ZNF891: variants seen among roughly 807,000 people sequenced by gnomAD.
ZNF891 encodes the protein zinc finger protein 891.
For synonymous variants in ZNF891, 199 were observed against 209.0 expected (o/e 0.95, Z 0.41); for missense variants, 589 against 632.7 (o/e 0.93, Z 0.74).
In ZNF891 at chr12:133,105,302, C is replaced by T. The variant is rs908762612; in HGVS notation, c.*14982G>A. On this transcript the variant is annotated 3_prime_UTR_variant, in exon 2 of 2. Coordinates refer to ENST00000537226, the MANE Select transcript of ZNF891 (RefSeq NM_001277291.2). Reference sequence around the variant, plus strand: ...CTGCTCTTTCAATTACTTACGTTTACACTTTCTCTTTATTTACCTATATGT... The same window carrying T: ...CTGCTCTTTCAATTACTTACGTTTATACTTTCTCTTTATTTACCTATATGT... 5.3e-5 allele frequency among the ~76,000 whole-genome samples: 8 copies of T among 152,330 alleles called. No homozygotes were observed. The highest frequency in any genetic ancestry group is 5.2e-4 in the Admixed American group (8 of 15,302).
At chr12:133,124,786 T>C (rs1955798946) in intron 1 of ZNF891, among the ~76,000 whole-genome samples, 1 of 147,148 alleles carries the variant, frequency 6.8e-6, no homozygotes, top group Non-Finnish European at 1.5e-5. Flanking sequence ...ACGATTGAAT[T>C]CTAGGTTGTT....
intron 1 of ZNF891, among the ~76,000 whole-genome samples, chr12:133,129,486 G>A (rs1339161272): frequency 1.5e-5 from 2 of 136,796 alleles, no homozygotes; most frequent in Admixed American, 7.5e-5. Context: ...GGGCAACAAA[G>A]AGCGAAACTC....
chr12:133,111,165 C>T lies in ZNF891; in HGVS notation c.*9119G>A, dbSNP rs1230317885. 6.6e-6 allele frequency: 1 copy of T among 151,194 alleles called. No homozygotes were observed. Among genetic ancestry groups the T allele is most frequent in the Non-Finnish European group, 1.5e-5 (1 of 67,846 alleles). 9.4% of individuals were successfully genotyped at this position (151,194 alleles called of 1,614,324 possible). On this transcript the variant is annotated 3_prime_UTR_variant, in exon 2 of 2. Coordinates refer to ENST00000537226, the MANE Select transcript of ZNF891 (RefSeq NM_001277291.2). ...AAAAGGCAGGACATAGAAAAAGTGGCAAAAAGTGTAAAAAATTATCTGGTA... is the reference window on the plus strand; with the variant it reads ...AAAAGGCAGGACATAGAAAAAGTGGTAAAAAGTGTAAAAAATTATCTGGTA...
In ZNF891 at chr12:133,120,782, A is replaced by G. The variant is rs1041712007; in HGVS notation, c.1137T>C (p.Asn379=). 3.2e-6 allele frequency: 5 copies of G among 1,565,690 alleles called. No homozygotes were observed. In the African/African-American group the frequency reaches 4.2e-5, roughly 13 times the overall value. Residue 379 remains asparagine (N), a synonymous_variant, in exon 2 of 2, where the codon AAT becomes AAC. Transcript: ENST00000537226. The stretch of plus-strand genomic sequence containing the variant: ...TTTGACTGAAAGCTTTTCCACATTG[A>G]TTACATTCATAGGGTTTCTCTCCAG... ...THTGEKPYEC[N]QCGKAFSQKT... is the part of the protein sequence containing the mutation.
Position 133,105,363 on chromosome 12 carries a change from T to A in ZNF891, c.*14921A>T. On this transcript the variant is annotated 3_prime_UTR_variant, in exon 2 of 2. Transcript: ENST00000537226. The stretch of plus-strand genomic sequence containing the variant: ...TTGATCTTTTCTGAAGTTCTGGGCA[T>A]ACTACTCAGATTTCAGTCACAGCTG... The A allele has an allele frequency of 1.3e-6, 1 of 746,118 alleles. No individual in the cohort carries two copies. The highest frequency in any genetic ancestry group is 2.1e-6 in the Non-Finnish European group (1 of 470,958). 46.2% of individuals were successfully genotyped at this position (746,118 alleles called of 1,614,324 possible).
rs1056838 is a variant in ZNF891 at position 133,108,759 on chromosome 12, A to T, written c.*11525T>A. ...ACACAGTGATTTGGGAATGCCTTCA[A>T]TTACAATGCAATACTTAAATTTTAA... On this transcript the variant is annotated 3_prime_UTR_variant, in exon 2 of 2. Coordinates refer to ENST00000537226, the MANE Select transcript of ZNF891 (RefSeq NM_001277291.2). The T allele has an allele frequency of 5.3e-5, 8 of 152,230 alleles. No individual in the cohort carries two copies. Among genetic ancestry groups the T allele is most frequent in the Non-Finnish European group, 7.3e-5 (5 of 68,048 alleles). 9.4% of individuals were successfully genotyped at this position (152,230 alleles called of 1,614,324 possible).
chr12:133,124,549 A>G (rs749207029), intron 1 of ZNF891, among the ~76,000 whole-genome samples: 5 of 151,930 alleles, frequency 3.3e-5, no homozygotes, highest in Admixed American at 6.6e-5. Context: ...TATCAAGAAT[A>G]ATGTGTAAAA....
rs1566324445 is a variant in ZNF891, at chr12:133,105,700, AGTCTCT to A, written c.*14578_*14583del. ...ATCAGGGATGTATTAGGAAAGTAAC[AGTCTCT>A]CATCAAGAAGCCCTGGCTCAACATA... On this transcript the variant is annotated 3_prime_UTR_variant, in exon 2 of 2. Transcript: ENST00000537226. 1 of 1,614,220 alleles carries A rather than the reference AGTCTCT, an allele frequency of 6.2e-7. No individual in the cohort carries two copies. Among genetic ancestry groups the A allele is most frequent in the East Asian group, 2.2e-5 (1 of 44,882 alleles).
At chr12:133,127,249 G>A (rs1024347811) in intron 1 of ZNF891, among the ~76,000 whole-genome samples, 7 of 152,110 alleles carry the variant, frequency 4.6e-5, no homozygotes, top group Non-Finnish European at 8.8e-5. Flanking sequence ...ACAGGCGTGA[G>A]CCACGGTGCC....
At position 133,119,594 on chromosome 12, in the gene ZNF891, CA is replaced by C. The variant is rs1469491512; in HGVS notation, c.*689del. The C allele has an allele frequency of 1.3e-5, 2 of 152,180 alleles. No individual in the cohort carries two copies. Among genetic ancestry groups the C allele is most frequent in the Non-Finnish European group, 2.9e-5 (2 of 68,034 alleles). 9.4% of individuals were successfully genotyped at this position (152,180 alleles called of 1,614,324 possible). A position where few individuals can be genotyped will look rare whatever the true frequency, so the allele number is the denominator to read the frequency against. ...TCTCATGTAGGAACATATCCAGATACAAGTAGTGCAGGGCTGGTACAACTAT... is the reference window on the plus strand; with the variant it reads ...TCTCATGTAGGAACATATCCAGATACAGTAGTGCAGGGCTGGTACAACTAT... On this transcript the variant is annotated 3_prime_UTR_variant, in exon 2 of 2. Transcript: ENST00000537226.
rs1955721950 is a variant in ZNF891, at chr12:133,117,515, G to A, written c.*2769C>T. On this transcript the variant is annotated 3_prime_UTR_variant, in exon 2 of 2. Transcript: ENST00000537226. ...TTTTTCTACTCCTGAAAGAATGGTGGGAGTATCCCTCCGCCTCATGGCAAA... is the reference window on the plus strand; with the variant it reads ...TTTTTCTACTCCTGAAAGAATGGTGAGAGTATCCCTCCGCCTCATGGCAAA... 6.6e-6 allele frequency: 1 copy of A among 152,114 alleles called. No individual in the cohort carries two copies. The highest frequency in any genetic ancestry group is 1.5e-5 in the Non-Finnish European group (1 of 68,028). The allele number at this position is 152,114 out of a possible 1,614,324, so 9.4% of individuals were successfully genotyped here.
rs751165488 is a variant in ZNF891 at position 133,121,581 on chromosome 12, G to C, written c.338C>G (p.Pro113Arg). 2 of 1,536,552 alleles carry C rather than the reference G, an allele frequency of 1.3e-6. No individual in the cohort carries two copies. Among genetic ancestry groups the C allele is most frequent in the Non-Finnish European group, 1.7e-6 (2 of 1,147,002 alleles). The change falls in exon 2 of 2, where the codon CCA (proline) becomes CGA (arginine). Residue 113 changes from proline (P) to arginine (R), a missense_variant. By Grantham distance (103) the Pro-to-Arg change is moderately radical. Coordinates refer to ENST00000537226, the MANE Select transcript of ZNF891 (RefSeq NM_001277291.2). ...MKKRIPQAIC[P>R]DQKIQPKTKE... ...GGTTTTAGGTTGAATCTTCTGGTCT[G>C]GACAGATGGCTTGGGGAATTCTCTT...
In ZNF891 at chr12:133,117,724, C is replaced by T. The variant is rs1474923491; in HGVS notation, c.*2560G>A. The stretch of plus-strand genomic sequence containing the variant: ...TACTCCAAATCTCTCCAGCTACTAC[C>T]CTTTCTCCTATTATTCAAACTTGTC... On this transcript the variant is annotated 3_prime_UTR_variant, in exon 2 of 2. Transcript: ENST00000537226. 6.6e-6 allele frequency: 1 copy of T among 152,162 alleles called. No homozygotes were observed. The highest frequency in any genetic ancestry group is 1.5e-5 in the Non-Finnish European group (1 of 68,028). The allele number at this position is 152,162 out of a possible 1,614,324, so 9.4% of individuals were successfully genotyped here.
Position 133,120,074 on chromosome 12 carries a change from C to G in ZNF891, c.*210G>C, listed in dbSNP as rs2137617578. 2.3e-6 allele frequency: 1 copy of G among 434,086 alleles called. No individual in the cohort carries two copies. The highest frequency in any genetic ancestry group is 5.5e-5 in the South Asian group (1 of 18,092). 26.9% of individuals were successfully genotyped at this position (434,086 alleles called of 1,614,324 possible). A position where few individuals can be genotyped will look rare whatever the true frequency, so the allele number is the denominator to read the frequency against. On this transcript the variant is annotated 3_prime_UTR_variant, in exon 2 of 2. Transcript: ENST00000537226. ...CTAGAAACCAACAATAAAAAGATAA[C>G]TGAAAATATACCTACCTCACATATT...
At position 133,110,477 on chromosome 12, in the gene ZNF891, G is replaced by C. The variant is rs1259686798; in HGVS notation, c.*9807C>G. ...AATGCAGAAAGGCGACAGAACAACA[G>C]ATGCAATCAATATTAGTAAAGAATA... is the stretch of plus-strand genomic sequence containing the variant. On this transcript the variant is annotated 3_prime_UTR_variant, in exon 2 of 2. Coordinates refer to ENST00000537226, the MANE Select transcript of ZNF891 (RefSeq NM_001277291.2). The C allele has an allele frequency of 3.3e-5, 5 of 152,208 alleles. No homozygotes were observed. Among genetic ancestry groups the C allele is most frequent in the Admixed American group, 2.6e-4 (4 of 15,274 alleles). 9.4% of individuals were successfully genotyped at this position (152,208 alleles called of 1,614,324 possible).
In ZNF891 at chr12:133,105,434, T is replaced by C; in HGVS notation, c.*14850A>G. 2.1e-6 allele frequency: 3 copies of C among 1,417,776 alleles called. No individual in the cohort carries two copies. The highest frequency in any genetic ancestry group is 3.0e-5 in the South Asian group (2 of 66,648). The allele number at this position is 1,417,776 out of a possible 1,614,324, so 87.8% of individuals were successfully genotyped here. On this transcript the variant is annotated 3_prime_UTR_variant, in exon 2 of 2. Coordinates refer to ENST00000537226, the MANE Select transcript of ZNF891 (RefSeq NM_001277291.2). The stretch of plus-strand genomic sequence containing the variant: ...ATTTTTTGAAACTTCATTCTGTTGC[T>C]AAAGAAGGGAGAAATGGCCTTATTT...
rs763656433 is a variant in ZNF891 at position 133,120,477 on chromosome 12, G to C, written c.1442C>G (p.Thr481Ser). 9.4e-6 allele frequency: 15 copies of C among 1,601,914 alleles called. No individual in the cohort carries two copies. The South Asian group carries it at 1.6e-4, about 17-fold the overall frequency. Residue 481 changes from threonine to serine, a missense_variant, in exon 2 of 2, where the codon ACT becomes AGT. Coordinates refer to ENST00000537226, the MANE Select transcript of ZNF891 (RefSeq NM_001277291.2). The part of the protein sequence containing the change: ...GVSSLRMHIR[T>S]HTGEKPYECK... ...TTCATAGGGTTTCTCTCCAGTGTGA[G>C]TTCTTATATGCATTCTAAGGGATGA...
chr12:133,119,616 A>G lies in ZNF891; in HGVS notation c.*668T>C, dbSNP rs1409906925. 1 of 152,244 alleles carries G rather than the reference A, an allele frequency of 6.6e-6. No homozygotes were observed. The highest frequency in any genetic ancestry group is 6.5e-5 in the Admixed American group (1 of 15,280). The allele number at this position is 152,244 out of a possible 1,614,324, so 9.4% of individuals were successfully genotyped here. A position where few individuals can be genotyped will look rare whatever the true frequency, so the allele number is the denominator to read the frequency against. ...ATACAAGTAGTGCAGGGCTGGTACAACTATTTAAAGATTTCTTTGAGGAAC... is the reference window on the plus strand; with the variant it reads ...ATACAAGTAGTGCAGGGCTGGTACAGCTATTTAAAGATTTCTTTGAGGAAC... On this transcript the variant is annotated 3_prime_UTR_variant, in exon 2 of 2. Coordinates refer to ENST00000537226, the MANE Select transcript of ZNF891 (RefSeq NM_001277291.2).
In ZNF891 at chr12:133,130,235, A is replaced by G. The variant is rs1246031462; in HGVS notation, c.-115T>C. 6.6e-6 allele frequency: 1 copy of G among 152,360 alleles called. No individual in the cohort carries two copies. Among genetic ancestry groups the G allele is most frequent in the Non-Finnish European group, 1.5e-5 (1 of 68,182 alleles). The allele number at this position is 152,360 out of a possible 1,614,324, so 9.4% of individuals were successfully genotyped here. ...CAGGCCCGCATGCTCACCCGTCCTCAGTGCCTGCCTCCAGGCGTCCGCGGT... is the reference window on the plus strand; with the variant it reads ...CAGGCCCGCATGCTCACCCGTCCTCGGTGCCTGCCTCCAGGCGTCCGCGGT... On this transcript the variant is annotated 5_prime_UTR_variant, in exon 1 of 2. Transcript: ENST00000537226.
Sources: allele counts gnomAD v4.1 joint callset (sites outside exome capture counted in the v4.1 genomes callset), GRCh38; gene constraint gnomAD v4.1.1; transcripts MANE v1.5; gene names NCBI Gene and HGNC (gene_info 2026-07-23, HGNC 2026-07-21).